The following EPHB1 variants were observed in gnomAD, a reference collection of about 807,000 sequenced individuals.
The protein encoded by EPHB1 is EPH receptor B1, also known as ephrin type-B receptor 1.
A neutral mutation model predicts 94.4 loss-of-function variants in EPHB1; 30 were observed. The observed-to-expected ratio is 0.32, with a 90% confidence interval of 0.24 to 0.43. The LOEUF is 0.43. Ranked by LOEUF, EPHB1 falls within the 20% of genes least tolerant of loss-of-function variation. The pLI is 1.00. For synonymous variants in EPHB1, 522 were observed against 489.1 expected (o/e 1.07, Z -0.89); for missense variants, 1,055 against 1,308.3 (o/e 0.81, Z 2.99).
chr3:135,211,604 CATT>C (rs1376376838), intron 12 of EPHB1, among the ~76,000 whole-genome samples: 1 of 152,106 alleles, frequency 6.6e-6, no homozygotes, highest in East Asian at 1.9e-4. Context: ...ATCACTTTAA[CATT>C]GTTGTTTCAT....
intron 1 of EPHB1, among the ~76,000 whole-genome samples, chr3:134,807,528 CGTGT>C (rs1560241796): frequency 9.3e-6 from 1 of 108,066 alleles, no homozygotes; most frequent in Non-Finnish European, 1.8e-5. Context: ...TGTGTGTGCA[CGTGT>C]GTGTGTGTGA....
chr3:134,830,387 A>G (rs559657924), intron 1 of EPHB1, among the ~76,000 whole-genome samples: 11 of 152,312 alleles, frequency 7.2e-5, no homozygotes, highest in African/African-American at 2.6e-4. Flanking sequence ...TATTGCCTTT[A>G]TTGCAAAATG....
intron 3 of EPHB1, among the ~76,000 whole-genome samples, chr3:134,970,179 G>A (rs111999582): frequency 2.4e-4 from 36 of 152,302 alleles, no homozygotes; most frequent in African/African-American, 8.4e-4. Context: ...GCCAGGTCAA[G>A]TTCAATAATT....
At chr3:134,837,282 A>AT (rs2036689094) in intron 1 of EPHB1, among the ~76,000 whole-genome samples, 1 of 152,216 alleles carries the variant, frequency 6.6e-6, no homozygotes, top group African/African-American at 2.4e-5. Context: ...CTATTCCATG[A>AT]TTTTATCTTG....
chr3:135,191,636 A>AT (rs35439364), intron 10 of EPHB1, among the ~76,000 whole-genome samples: 1,708 of 145,052 alleles, frequency 0.012, 26 homozygotes, highest in African/African-American at 0.035. Flanking sequence ...GATTCAACAG[A>AT]TTTTTTTTTT....
intron 2 of EPHB1, among the ~76,000 whole-genome samples, chr3:134,948,486 A>G (rs567317712): frequency 6.6e-6 from 1 of 152,362 alleles, no homozygotes; most frequent in South Asian, 2.1e-4. Flanking sequence ...GGCAAGCAGA[A>G]CGTAACTTTA....
At chr3:135,144,991 G>T (rs1170924879) in intron 5 of EPHB1, among the ~76,000 whole-genome samples, 1 of 152,166 alleles carries the variant, frequency 6.6e-6, no homozygotes, top group African/African-American at 2.4e-5. Context: ...AATTAATTCT[G>T]CTTTTGTATT....
At chr3:135,228,953 C>T (rs1334333786) in intron 12 of EPHB1, among the ~76,000 whole-genome samples, 3 of 152,062 alleles carry the variant, frequency 2.0e-5, no homozygotes, top group Non-Finnish European at 4.4e-5. Context: ...TCAAGAGCAC[C>T]CCCCCACTTT....
intron 1 of EPHB1, among the ~76,000 whole-genome samples, chr3:134,870,250 A>G (rs548811584): frequency 6.6e-6 from 1 of 152,276 alleles, no homozygotes; most frequent in South Asian, 2.1e-4. Context: ...CCTGATGACC[A>G]GGGTCTTCGG....
intron 1 of EPHB1, among the ~76,000 whole-genome samples, chr3:134,823,290 C>A (rs2036416366): frequency 6.6e-6 from 1 of 152,176 alleles, no homozygotes; most frequent in African/African-American, 2.4e-5. Flanking sequence ...ATCGCAGGAG[C>A]AGTGGACAGT....
rs1057510810 is a variant in EPHB1 at position 135,029,690 on chromosome 3, C to T, written c.806-76758C>T. ...TTCATTTCAACTTTGGTGAATCTGA[C>T]ACTTATGTGTCTTGGAGTTGCTCTT... On this transcript the variant is annotated intron_variant, in intron 3 of 15. Transcript: ENST00000398015. Among the ~76,000 whole-genome samples, 244 of 151,010 alleles carry T rather than the reference C, an allele frequency of 1.6e-3. 2 individuals carry two copies. The highest frequency in any genetic ancestry group is 5.8e-3 in the African/African-American group (240 of 41,320).
intron 3 of EPHB1, among the ~76,000 whole-genome samples, chr3:135,007,088 G>A (rs1576311995): frequency 6.6e-6 from 1 of 152,176 alleles, no homozygotes; most frequent in African/African-American, 2.4e-5. Flanking sequence ...GGCTGCCTGG[G>A]ATATGAAAGA....
chr3:134,885,360 A>G (rs1428363175), intron 1 of EPHB1, among the ~76,000 whole-genome samples: 1 of 152,244 alleles, frequency 6.6e-6, no homozygotes, highest in Non-Finnish European at 1.5e-5. Context: ...ATGTTAGGAA[A>G]CGCAAAACAG....
At chr3:135,022,891 A>G (rs1352554915) in intron 3 of EPHB1, among the ~76,000 whole-genome samples, 1 of 152,152 alleles carries the variant, frequency 6.6e-6, no homozygotes, top group Non-Finnish European at 1.5e-5. Flanking sequence ...TGTTTTTTCT[A>G]AAATCATATG....
At chr3:135,092,713 C>G (rs1186538642) in intron 3 of EPHB1, among the ~76,000 whole-genome samples, 2 of 152,090 alleles carry the variant, frequency 1.3e-5, no homozygotes, top group Admixed American at 6.5e-5. Context: ...GCAACCTCCA[C>G]TTCCCAGGTT....
In EPHB1 at chr3:135,028,213, T is replaced by C. The variant is rs1398505613; in HGVS notation, c.805+76161T>C. Among the ~76,000 whole-genome samples the C allele has an allele frequency of 1.8e-4, 26 of 148,228 alleles. No individual in the cohort carries two copies. In the East Asian group the frequency reaches 5.1e-3, roughly 29 times the overall value. On this transcript the variant is annotated intron_variant, in intron 3 of 15. Coordinates refer to ENST00000398015, the MANE Select transcript of EPHB1 (RefSeq NM_004441.5). ...CTAATTTTTTGAAGGGTTTTTTGTG[T>C]CTCTATTTCCTTCAGTTCTGCTCTG...
At chr3:135,241,369 C>T (rs1299342505) in intron 13 of EPHB1, 72 bp downstream of exon 13, 1 of 1,583,090 alleles carries the variant, frequency 6.3e-7, no homozygotes, top group Non-Finnish European at 8.6e-7. Flanking sequence ...CATACCAATT[C>T]CTCCTGTTTT....
intron 1 of EPHB1, among the ~76,000 whole-genome samples, chr3:134,822,356 A>C (rs947030790): frequency 6.6e-6 from 1 of 151,440 alleles, no homozygotes; most frequent in African/African-American, 2.4e-5. Flanking sequence ...GCCTCTCTCA[A>C]CTCCCGTGAT....
intron 12 of EPHB1, among the ~76,000 whole-genome samples, chr3:135,209,860 G>T (rs1942992456): frequency 6.6e-6 from 1 of 152,180 alleles, no homozygotes; most frequent in Non-Finnish European, 1.5e-5. Context: ...ACAGGAAGAT[G>T]CATCAGGAGG....
Sources: gnomAD v4.1 joint callset for allele counts (sites outside exome capture counted in the v4.1 genomes callset) on GRCh38, gnomAD v4.1.1 for gene constraint, MANE v1.5 for transcripts, NCBI Gene and HGNC (gene_info 2026-07-23, HGNC 2026-07-21) for gene names.